Variants in SPEM2 observed in about 807,000 individuals in gnomAD.
The protein encoded by SPEM2 is uncharacterized protein SPEM2.
Under a neutral mutation model 9.3 loss-of-function variants are expected in SPEM2, and 15 were observed. The ratio of observed to expected loss-of-function variants is 1.62; its 90% CI spans 1.08 to 2.50. SPEM2 has a LOEUF of 2.50. Among genes scored for constraint, SPEM2 ranks in the 30% most tolerant of loss-of-function variants. The pLI is 0.00. For synonymous variants in SPEM2, 268 were observed against 272.4 expected (o/e 0.98, Z 0.16); for missense variants, 678 against 690.0 (o/e 0.98, Z 0.19).
At position 7,426,770 on chromosome 17, in the gene SPEM2, G is replaced by A. The variant is rs761186084; in HGVS notation, c.779G>A (p.Arg260His). The A allele has an allele frequency of 8.7e-6, 14 of 1,602,702 alleles. No individual in the cohort carries two copies. The East Asian group carries it at 1.8e-4, about 20-fold the overall frequency. The change falls in exon 3 of 3, where the codon CGC (arginine) becomes CAC (histidine). Residue 260 changes from arginine to histidine, a missense_variant. By Grantham distance (29) the Arg-to-His change is conservative. Transcript: ENST00000333870. This position sits in a 1 kb window ranked among gnomAD's most constrained non-coding sequence, Gnocchi z 5.3. ...RSELRLQSYGRHGSQSRLWGN... is the reference protein window; with the variant it reads ...RSELRLQSYGHHGSQSRLWGN... ...GAGCTGAGGCTGCAGTCCTATGGGC[G>A]CCACGGTTCCCAATCCCGACTGTGG...
Position 7,426,849 on chromosome 17 carries a change from GCCCCCTAACC to G in SPEM2, c.861_870del (p.Pro288LeufsTer108). On this transcript the variant is annotated frameshift_variant, in exon 3 of 3. Transcript: ENST00000333870. LOFTEE classifies it low-confidence loss of function (END_TRUNC). This position sits in a 1 kb window ranked among gnomAD's most constrained non-coding sequence, Gnocchi z 5.3. ...CGTCTCCACCACCTCCCCACCGGCTGCCCCCTAACCCCTCTTGGGTCCCCGTGGGGCACAG... is the reference window on the plus strand; with the variant it reads ...CGTCTCCACCACCTCCCCACCGGCTGCCTCTTGGGTCCCCGTGGGGCACAG... 1 of 1,610,800 alleles carries G rather than the reference GCCCCCTAACC, an allele frequency of 6.2e-7. No individual in the cohort carries two copies. The highest frequency in any genetic ancestry group is 8.5e-7 in the Non-Finnish European group (1 of 1,178,590).
chr17:7,426,126 T>C lies in SPEM2; in HGVS notation c.197-62T>C, dbSNP rs1907586081. ...ATGGCCCTAGAAACCCAGGCCCCAG[T>C]GTTCCCAACCTTGAGCTCTTCTGAC... is the stretch of plus-strand genomic sequence containing the variant. On this transcript the variant is annotated intron_variant, in intron 2 of 2. Transcript: ENST00000333870. The surrounding 1 kb of genome is among the most constrained non-coding windows in gnomAD (Gnocchi z 5.3). 4.3e-6 allele frequency: 7 copies of C among 1,613,650 alleles called. No individual in the cohort carries two copies. The highest frequency in any genetic ancestry group is 1.6e-4 in the Middle Eastern group (1 of 6,062).
chr17:7,427,184 T>A lies in SPEM2; in HGVS notation c.1193T>A (p.Leu398Gln), dbSNP rs747018273. ...GAGGCTCTGCCCGCCTGGCGTCCTC[T>A]GACTACCTCTGCCTCCCTCACGGTG... is the stretch of plus-strand genomic sequence containing the variant. ...WAEALPAWRP[L>Q]TTSASLTVLD... The change falls in exon 3 of 3, where the codon CTG (leucine) becomes CAG (glutamine). Residue 398 changes from leucine (L) to glutamine (Q), a missense_variant. By Grantham distance (113) the Leu-to-Gln change is moderately radical. Coordinates refer to ENST00000333870, the MANE Select transcript of SPEM2 (RefSeq NM_175734.5). This position sits in a 1 kb window ranked among gnomAD's most constrained non-coding sequence, Gnocchi z 5.4. The A allele has an allele frequency of 6.2e-7, 1 of 1,614,142 alleles. No individual in the cohort carries two copies. The highest frequency in any genetic ancestry group is 1.1e-5 in the South Asian group (1 of 91,078).
chr17:7,427,432 C>A lies in SPEM2; in HGVS notation c.1441C>A (p.Pro481Thr). Residue 481 changes from proline to threonine, a missense_variant, in exon 3 of 3, where the codon CCA becomes ACA. Pro to Thr is a conservative substitution (Grantham distance 38). Coordinates refer to ENST00000333870, the MANE Select transcript of SPEM2 (RefSeq NM_175734.5). The surrounding 1 kb of genome is among the most constrained non-coding windows in gnomAD (Gnocchi z 5.4). ...GAGCAGAGCCAGGTCCAGCTCACTG[C>A]CACCGGCTTCCACCTCCACCTTGAG... is the stretch of plus-strand genomic sequence containing the variant. ...QKSRARSSSL[P>T]PASTSTLRPS... The A allele has an allele frequency of 6.2e-7, 1 of 1,607,796 alleles. No individual in the cohort carries two copies. Among genetic ancestry groups the A allele is most frequent in the Non-Finnish European group, 8.5e-7 (1 of 1,176,110 alleles).
chr17:7,425,770 C>T lies in SPEM2; in HGVS notation c.82C>T (p.Leu28Phe), dbSNP rs761074010. 6.2e-7 allele frequency: 1 copy of T among 1,614,232 alleles called. No homozygotes were observed. Among genetic ancestry groups the T allele is most frequent in the South Asian group, 1.1e-5 (1 of 91,088 alleles). ...ESPHDAEDIL[L>F]LLLGLIVLVN... ...CCCCCACGATGCCGAGGACATCTTA[C>T]TCCTGCTGCTGGGCCTCATCGTTCT... Residue 28 changes from leucine to phenylalanine, a missense_variant, in exon 1 of 3, where the codon CTC (leucine) becomes TTC (phenylalanine). Coordinates refer to ENST00000333870, the MANE Select transcript of SPEM2 (RefSeq NM_175734.5).
Position 7,426,578 on chromosome 17 carries a change from C to T in SPEM2, c.587C>T (p.Pro196Leu). Residue 196 changes from proline to leucine, a missense_variant, in exon 3 of 3, where the codon CCC (proline) becomes CTC (leucine). Coordinates refer to ENST00000333870, the MANE Select transcript of SPEM2 (RefSeq NM_175734.5). The surrounding 1 kb of genome is among the most constrained non-coding windows in gnomAD (Gnocchi z 5.3). ...GAGGACAACCTGCCCTTCCCGTATC[C>T]CAAGTACCCACGTCGCGGCTGGGGC... ...EEEDNLPFPY[P>L]KYPRRGWGGF... is the part of the protein sequence containing the mutation. 1 of 1,614,172 alleles carries T rather than the reference C, an allele frequency of 6.2e-7. No homozygotes were observed. The highest frequency in any genetic ancestry group is 8.5e-7 in the Non-Finnish European group (1 of 1,180,016).
Position 7,426,456 on chromosome 17 carries a change from C to T in SPEM2, c.465C>T (p.His155=). 6.2e-7 allele frequency: 1 copy of T among 1,613,944 alleles called. No individual in the cohort carries two copies. The highest frequency in any genetic ancestry group is 8.5e-7 in the Non-Finnish European group (1 of 1,180,038). Residue 155 remains histidine, a synonymous_variant, in exon 3 of 3, where the codon CAC becomes CAT. Coordinates refer to ENST00000333870, the MANE Select transcript of SPEM2 (RefSeq NM_175734.5). This position sits in a 1 kb window ranked among gnomAD's most constrained non-coding sequence, Gnocchi z 5.3. The stretch of plus-strand genomic sequence containing the variant: ...ACTACAGACAAATCCCCCATAGCCA[C>T]TCAGTCTTCCGTAACCCACATCGCA... The part of the protein sequence containing the change: ...PQNYRQIPHS[H]SVFRNPHRSQ...
At chr17:7,425,879 G>A (rs1907570922) in intron 1 of SPEM2, 53 bp downstream of exon 1, 1 of 1,612,418 alleles carries the variant, frequency 6.2e-7, no homozygotes, top group African/African-American at 1.3e-5. Context: ...AAGGGTGGGA[G>A]CCAGCTGCAG....
Position 7,425,770 on chromosome 17 carries a change from C to A in SPEM2, c.82C>A (p.Leu28Ile). ...CCCCCACGATGCCGAGGACATCTTACTCCTGCTGCTGGGCCTCATCGTTCT... is the reference window on the plus strand; with the variant it reads ...CCCCCACGATGCCGAGGACATCTTAATCCTGCTGCTGGGCCTCATCGTTCT... Reference protein sequence around the residue: ...ESPHDAEDILLLLLGLIVLVN... With the variant: ...ESPHDAEDILILLLGLIVLVN... Residue 28 changes from leucine (L) to isoleucine (I), a missense_variant, in exon 1 of 3, where the codon CTC becomes ATC. Physicochemically the swap from Leu to Ile is conservative, Grantham distance 5 (BLOSUM62 2). Coordinates refer to ENST00000333870, the MANE Select transcript of SPEM2 (RefSeq NM_175734.5). 3 of 1,614,232 alleles carry A rather than the reference C, an allele frequency of 1.9e-6. No homozygotes were observed. Among genetic ancestry groups the A allele is most frequent in the South Asian group, 1.1e-5 (1 of 91,088 alleles).
At position 7,426,271 on chromosome 17, in the gene SPEM2, G is replaced by C. The variant is rs750403753; in HGVS notation, c.280G>C (p.Val94Leu). The C allele has an allele frequency of 6.2e-7, 1 of 1,614,166 alleles. No individual in the cohort carries two copies. The highest frequency in any genetic ancestry group is 8.5e-7 in the Non-Finnish European group (1 of 1,180,030). ...DVHIHCILDP[V>L]QVKMSRPTQY... ...CCACATCCACTGCATCCTGGACCCT[G>C]TGCAGGTGAAGATGTCCCGACCCAC... The change falls in exon 3 of 3, where the codon GTG becomes CTG. Residue 94 changes from valine to leucine, a missense_variant. By Grantham distance (32) the Val-to-Leu change is conservative. Transcript: ENST00000333870. The surrounding 1 kb of genome is among the most constrained non-coding windows in gnomAD (Gnocchi z 5.3).
chr17:7,427,041 G>C lies in SPEM2; in HGVS notation c.1050G>C (p.Gln350His). Residue 350 changes from glutamine (Q) to histidine (H), a missense_variant, in exon 3 of 3, where the codon CAG becomes CAC. Coordinates refer to ENST00000333870, the MANE Select transcript of SPEM2 (RefSeq NM_175734.5). The surrounding 1 kb of genome is among the most constrained non-coding windows in gnomAD (Gnocchi z 5.4). ...ACCACTCCCCACAGTCCCACCAGCA[G>C]AGCCTGCTTGGTCACGCCTATGGCC... is the stretch of plus-strand genomic sequence containing the variant. The part of the protein sequence containing the change: ...REHHSPQSHQ[Q>H]SLLGHAYGQS... 6.2e-7 allele frequency: 1 copy of C among 1,612,278 alleles called. No homozygotes were observed. The highest frequency in any genetic ancestry group is 8.5e-7 in the Non-Finnish European group (1 of 1,179,920).
In SPEM2 at chr17:7,426,389, G is replaced by T; in HGVS notation, c.398G>T (p.Arg133Leu). 1 of 1,613,488 alleles carries T rather than the reference G, an allele frequency of 6.2e-7. No individual in the cohort carries two copies. The highest frequency in any genetic ancestry group is 1.1e-5 in the South Asian group (1 of 91,086). The change falls in exon 3 of 3, where the codon CGT becomes CTT. Residue 133 changes from arginine to leucine, a missense_variant. Transcript: ENST00000333870. The surrounding 1 kb of genome is among the most constrained non-coding windows in gnomAD (Gnocchi z 5.3). ...CVRRRRRRHR[R>L]CRRRCCNHQQ... ...CGTCGCCGCCGCCGCCGCCACCGCC[G>T]TTGTCGCCGTCGCTGCTGCAACCAC...
rs201127764 is a variant in SPEM2 at position 7,427,339 on chromosome 17, C to A, written c.1348C>A (p.Arg450=). 352 of 1,613,976 alleles carry A rather than the reference C, an allele frequency of 2.2e-4. No individual in the cohort carries two copies. The highest frequency in any genetic ancestry group is 2.8e-4 in the Non-Finnish European group (335 of 1,180,016). The change falls in exon 3 of 3, where the codon CGG becomes AGG. Residue 450 remains arginine, a synonymous_variant. Transcript: ENST00000333870. This position sits in a 1 kb window ranked among gnomAD's most constrained non-coding sequence, Gnocchi z 5.4. ...PPPTMFVPLS[R]NPGGNANYQV... ...CCCGACCATGTTTGTCCCACTCAGC[C>A]GGAATCCAGGGGGCAATGCCAACTA...
At position 7,427,288 on chromosome 17, in the gene SPEM2, G is replaced by A; in HGVS notation, c.1297G>A (p.Val433Ile). The change falls in exon 3 of 3, where the codon GTC becomes ATC. Residue 433 changes from valine (V) to isoleucine (I), a missense_variant. Coordinates refer to ENST00000333870, the MANE Select transcript of SPEM2 (RefSeq NM_175734.5). This position sits in a 1 kb window ranked among gnomAD's most constrained non-coding sequence, Gnocchi z 5.4. ...CCATTCCTCCCAGCCCTGGCCCAAA[G>A]TCCAGGCTGCGGACCCTGCCCCTCC... ...VPHSSQPWPK[V>I]QAADPAPPPT... The A allele has an allele frequency of 6.2e-7, 1 of 1,614,106 alleles. No individual in the cohort carries two copies. Among genetic ancestry groups the A allele is most frequent in the Non-Finnish European group, 8.5e-7 (1 of 1,179,988 alleles).
In SPEM2 at chr17:7,426,877, G is replaced by A. The variant is rs772576932; in HGVS notation, c.886G>A (p.Gly296Arg). ...CCCTAACCCCTCTTGGGTCCCCGTGGGGCACAGCCCTTACCCCTCAGTGGG... is the reference window on the plus strand; with the variant it reads ...CCCTAACCCCTCTTGGGTCCCCGTGAGGCACAGCCCTTACCCCTCAGTGGG... ...LPPNPSWVPV[G>R]HSPYPSVGWM... The change falls in exon 3 of 3, where the codon GGG becomes AGG. Residue 296 changes from glycine to arginine, a missense_variant. Coordinates refer to ENST00000333870, the MANE Select transcript of SPEM2 (RefSeq NM_175734.5). This position sits in a 1 kb window ranked among gnomAD's most constrained non-coding sequence, Gnocchi z 5.3. 1.2e-6 allele frequency: 2 copies of A among 1,613,106 alleles called. No individual in the cohort carries two copies. The highest frequency in any genetic ancestry group is 2.7e-5 in the African/African-American group (2 of 75,054).
chr17:7,427,176 G>T lies in SPEM2; in HGVS notation c.1185G>T (p.Trp395Cys). Residue 395 changes from tryptophan (W) to cysteine (C), a missense_variant, in exon 3 of 3, where the codon TGG becomes TGT. Coordinates refer to ENST00000333870, the MANE Select transcript of SPEM2 (RefSeq NM_175734.5). The surrounding 1 kb of genome is among the most constrained non-coding windows in gnomAD (Gnocchi z 5.4). ...ACTGGGCTGAGGCTCTGCCCGCCTG[G>T]CGTCCTCTGACTACCTCTGCCTCCC... The part of the protein sequence containing the change: ...AADWAEALPA[W>C]RPLTTSASLT... 6.2e-7 allele frequency: 1 copy of T among 1,614,076 alleles called. No individual in the cohort carries two copies. Among genetic ancestry groups the T allele is most frequent in the Non-Finnish European group, 8.5e-7 (1 of 1,179,964 alleles).
In SPEM2 at chr17:7,426,671, C is replaced by T; in HGVS notation, c.680C>T (p.Ala227Val). 2.5e-6 allele frequency: 4 copies of T among 1,614,000 alleles called. No individual in the cohort carries two copies. Among genetic ancestry groups the T allele is most frequent in the Middle Eastern group, 1.6e-4 (1 of 6,062 alleles). ...TGGGGCCACCAGGGTGGTATCCTGG[C>T]CAGTCTGCCACCACCCTCTCTCTAC... Reference protein sequence around the residue: ...GLWGHQGGILASLPPPSLYLS... With the variant: ...GLWGHQGGILVSLPPPSLYLS... Residue 227 changes from alanine to valine, a missense_variant, in exon 3 of 3, where the codon GCC (alanine) becomes GTC (valine). By Grantham distance (64) the Ala-to-Val change is moderately conservative. Coordinates refer to ENST00000333870, the MANE Select transcript of SPEM2 (RefSeq NM_175734.5). This position sits in a 1 kb window ranked among gnomAD's most constrained non-coding sequence, Gnocchi z 5.3.
In SPEM2 at chr17:7,426,135, C is replaced by T; in HGVS notation, c.197-53C>T. 2 of 1,613,790 alleles carry T rather than the reference C, an allele frequency of 1.2e-6. No homozygotes were observed. Among genetic ancestry groups the T allele is most frequent in the South Asian group, 1.1e-5 (1 of 91,070 alleles). On this transcript the variant is annotated intron_variant, in intron 2 of 2. Transcript: ENST00000333870. The surrounding 1 kb of genome is among the most constrained non-coding windows in gnomAD (Gnocchi z 5.3). ...GAAACCCAGGCCCCAGTGTTCCCAACCTTGAGCTCTTCTGACAATTGCCCT... is the reference window on the plus strand; with the variant it reads ...GAAACCCAGGCCCCAGTGTTCCCAATCTTGAGCTCTTCTGACAATTGCCCT...
In SPEM2 at chr17:7,426,606, G is replaced by A; in HGVS notation, c.615G>A (p.Gly205=). 1 of 1,614,124 alleles carries A rather than the reference G, an allele frequency of 6.2e-7. No individual in the cohort carries two copies. The highest frequency in any genetic ancestry group is 2.2e-5 in the East Asian group (1 of 44,884). ...AGTACCCACGTCGCGGCTGGGGCGG[G>A]TTTTATCAGAGAGCGGGCCTGCCCT... ...YPKYPRRGWG[G]FYQRAGLPSN... is the part of the protein sequence containing the mutation. The change falls in exon 3 of 3, where the codon GGG becomes GGA. Residue 205 remains glycine, a synonymous_variant. Transcript: ENST00000333870. This position sits in a 1 kb window ranked among gnomAD's most constrained non-coding sequence, Gnocchi z 5.3.
Sources: gnomAD v4.1 joint callset for allele counts on GRCh38, gnomAD v4.1.1 for gene constraint, Gnocchi (gnomAD v3.1) non-coding constraint, MANE v1.5 for transcripts, NCBI Gene and HGNC (gene_info 2026-07-23, HGNC 2026-07-21) for gene names.